The following LARP4B variants were observed in gnomAD, a reference collection of about 807,000 sequenced individuals.
LARP4B encodes La ribonucleoprotein 4B.
In LARP4B, 12 loss-of-function variants were observed where a neutral mutation model predicts 89.8. The ratio of observed to expected loss-of-function variants is 0.13; its 90% CI spans 0.09 to 0.22. The LOEUF (loss-of-function observed/expected upper bound fraction) is 0.22, where lower values mean the gene tolerates loss of function less well. Ranked by LOEUF, LARP4B falls within the 10% of genes least tolerant of loss-of-function variation. The pLI, the probability that LARP4B is intolerant of heterozygous loss-of-function variation, is 1.00. For synonymous variants in LARP4B, 367 were observed against 363.3 expected (o/e 1.01, Z -0.12); for missense variants, 757 against 947.7 (o/e 0.80, Z 2.64).
the LARP4B span, among the ~76,000 whole-genome samples, chr10:980,315 T>G: frequency 4.6e-5 from 7 of 152,196 alleles, no homozygotes; most frequent in African/African-American, 1.7e-4. Flanking sequence ...TTCTGGAGGA[T>G]GATGGTCCCC....
the LARP4B span, among the ~76,000 whole-genome samples, chr10:943,497 A>G: frequency 6.6e-6 from 1 of 151,978 alleles, no homozygotes; most frequent in African/African-American, 2.4e-5. Context: ...TGGTGCGATC[A>G]TGGCTCACGG....
intron 3 of LARP4B, among the ~76,000 whole-genome samples, chr10:868,324 T>A (rs892680402): frequency 6.7e-6 from 1 of 150,086 alleles, no homozygotes. Flanking sequence ...CATACAAGGC[T>A]CTACCTCCAG....
the LARP4B span, among the ~76,000 whole-genome samples, chr10:959,132 G>C: frequency 2.0e-5 from 3 of 152,142 alleles, no homozygotes; most frequent in Admixed American, 2.0e-4. Flanking sequence ...TGCTGGCTGA[G>C]TTTGGATATA....
At chr10:895,759 T>TA (rs540307761) in intron 1 of LARP4B, among the ~76,000 whole-genome samples, 12 of 151,608 alleles carry the variant, frequency 7.9e-5, no homozygotes, top group South Asian at 4.2e-4. Flanking sequence ...CATAAAGATT[T>TA]AAAAAAAAGA....
chr10:965,280 A>T, the LARP4B span, among the ~76,000 whole-genome samples: 2 of 152,156 alleles, frequency 1.3e-5, no homozygotes, highest in African/African-American at 4.8e-5. Flanking sequence ...CGTCCCAAGG[A>T]CAGAAGGCGG....
downstream of LARP4B, chr10:809,452 C>T (rs1385759325): frequency 6.6e-6 from 1 of 152,148 alleles, no homozygotes; most frequent in Non-Finnish European, 1.5e-5. Context: ...GTGTTTCTTT[C>T]TCATGCACTT....
intron 1 of LARP4B, among the ~76,000 whole-genome samples, chr10:895,044 C>T (rs192717069): frequency 1.3e-5 from 2 of 152,102 alleles, no homozygotes; most frequent in East Asian, 3.9e-4. Context: ...AAATTAGCTG[C>T]GCATGGCGGC....
intron 5 of LARP4B, among the ~76,000 whole-genome samples, chr10:857,869 C>A (rs1032329430): frequency 6.6e-6 from 1 of 152,062 alleles, no homozygotes; most frequent in African/African-American, 2.4e-5. Context: ...AAAGATGGAT[C>A]CTTTAAATTA....
chr10:940,515 G>C, the LARP4B span, among the ~76,000 whole-genome samples: 1 of 152,254 alleles, frequency 6.6e-6, no homozygotes, highest in African/African-American at 2.4e-5. Flanking sequence ...TCTTGGGCCA[G>C]GAACGTGGCG....
chr10:959,308 G>GGCATTCCTGCTGGTTCA, the LARP4B span, among the ~76,000 whole-genome samples: 3 of 150,592 alleles, frequency 2.0e-5, no homozygotes, highest in Non-Finnish European at 4.4e-5. Context: ...GTGTAAAGCA[G>GGCATTCCTGCTGGTTCA]GCATTCCTGC....
intron 7 of LARP4B, among the ~76,000 whole-genome samples, chr10:842,300 T>C (rs1341742): frequency 0.16 from 24,350 of 151,866 alleles, 2,097 homozygotes; most frequent in Non-Finnish European, 0.19. Context: ...TGGGTTCAAG[T>C]GATTTCCCTG....
At chr10:837,589 A>G (rs999628246) in intron 7 of LARP4B, among the ~76,000 whole-genome samples, 1 of 152,368 alleles carries the variant, frequency 6.6e-6, no homozygotes, top group East Asian at 1.9e-4. Flanking sequence ...CTGTAGTGTT[A>G]GCATCCAATC....
At chr10:942,381 CCTCCT>C in the LARP4B span, 1 of 152,348 alleles carries the variant, frequency 6.6e-6, no homozygotes, top group East Asian at 1.9e-4. Context: ...ATTCCATGTT[CCTCCT>C]CTCCCCTAAG....
intron 1 of LARP4B, among the ~76,000 whole-genome samples, chr10:902,348 G>T (rs1335902138): frequency 2.0e-5 from 3 of 152,176 alleles, no homozygotes; most frequent in Non-Finnish European, 4.4e-5. Flanking sequence ...ATGGCCCTCG[G>T]AGTACCACTT....
rs1425454258 is a variant in LARP4B at position 812,227 on chromosome 10, A to G, written c.*699T>C. 2 of 152,692 alleles carry G rather than the reference A, an allele frequency of 1.3e-5. No homozygotes were observed. The highest frequency in any genetic ancestry group is 4.8e-5 in the African/African-American group (2 of 41,466). 9.5% of individuals were successfully genotyped at this position (152,692 alleles called of 1,614,324 possible). On this transcript the variant is annotated 3_prime_UTR_variant, in exon 18 of 18. Coordinates refer to ENST00000316157, the MANE Select transcript of LARP4B (RefSeq NM_015155.3). ...TCTATTCACAATGTGCTTTGAATTT[A>G]TATTACATAATAGCCACTTGAAACT...
intron 3 of LARP4B, among the ~76,000 whole-genome samples, chr10:866,747 CACTA>C (rs1345643036): frequency 6.6e-6 from 1 of 152,234 alleles, no homozygotes; most frequent in African/African-American, 2.4e-5. Flanking sequence ...AAATTCCCAA[CACTA>C]ACTAACAGTA....
intron 5 of LARP4B, among the ~76,000 whole-genome samples, chr10:863,331 T>C (rs1269411149): frequency 6.6e-6 from 1 of 151,880 alleles, no homozygotes; most frequent in African/African-American, 2.4e-5. Context: ...CACGCCATTC[T>C]CCTGCCTCAG....
intron 1 of LARP4B, among the ~76,000 whole-genome samples, chr10:902,333 GA>G (rs1189563901): frequency 1.6e-4 from 25 of 152,204 alleles, no homozygotes; most frequent in African/African-American, 5.3e-4. Context: ...GCAGCAGTGC[GA>G]ATCATGGCCC....
the LARP4B span, among the ~76,000 whole-genome samples, chr10:941,866 C>T: frequency 6.6e-6 from 1 of 152,048 alleles, no homozygotes; most frequent in Non-Finnish European, 1.5e-5. Flanking sequence ...GCCTCTAACT[C>T]CTGGGCTCAA....
Sources: allele counts gnomAD v4.1 joint callset (sites outside exome capture counted in the v4.1 genomes callset), GRCh38; gene constraint gnomAD v4.1.1; transcripts MANE v1.5; gene names NCBI Gene and HGNC (gene_info 2026-07-23, HGNC 2026-07-21).